Variants in CTNND2 observed in about 807,000 individuals in gnomAD.
CTNND2 encodes catenin delta 2, also known as catenin delta-2.
In CTNND2, 22 loss-of-function variants were observed where a neutral mutation model predicts 144.4. That is an observed-to-expected ratio of 0.15 (90% CI 0.11 to 0.22). CTNND2 has a LOEUF of 0.22. Among genes scored for constraint, CTNND2 ranks in the 10% least tolerant of loss-of-function variants. The probability of loss-of-function intolerance (pLI) is 1.00; values close to 1 mark genes in which losing one functional copy is unlikely to be tolerated. For synonymous variants in CTNND2, 751 were observed against 695.6 expected, an observed-to-expected ratio of 1.08 and a Z score of -1.25; for missense variants, 1,353 against 1,618.8, an observed-to-expected ratio of 0.84 and a Z score of 2.82.
At chr5:11,898,260 C>A (rs1737560426) in intron 1 of CTNND2, among the ~76,000 whole-genome samples, 1 of 152,220 alleles carries the variant, frequency 6.6e-6, no homozygotes, top group Non-Finnish European at 1.5e-5. Flanking sequence ...TCCTTAAAGA[C>A]ACCAACAACC....
At chr5:11,103,539 G>A (rs1237518536) in intron 14 of CTNND2, among the ~76,000 whole-genome samples, 7 of 151,876 alleles carry the variant, frequency 4.6e-5, no homozygotes, top group East Asian at 2.0e-4. Context: ...GTGTGGTGGC[G>A]CACACCTGTA....
In CTNND2 at chr5:11,083,532, T is replaced by A. The variant is rs1261984535; in HGVS notation, c.2638-686A>T. Among the ~76,000 whole-genome samples, 2 of 152,188 alleles carry A rather than the reference T, an allele frequency of 1.3e-5. 1 individual carries two copies. Among genetic ancestry groups the A allele is most frequent in the South Asian group, 4.1e-4 (2 of 4,824 alleles). On this transcript the variant is annotated intron_variant, in intron 15 of 21. Coordinates refer to ENST00000304623, the MANE Select transcript of CTNND2 (RefSeq NM_001332.4). Reference sequence around the variant, plus strand: ...TTGGGTTGGTGGTCGTCAGCCTTAATGGAACACAGGTAATGCGTCATATTA... The same window carrying A: ...TTGGGTTGGTGGTCGTCAGCCTTAAAGGAACACAGGTAATGCGTCATATTA...
At chr5:11,717,198 G>T (rs1050180757) in intron 2 of CTNND2, among the ~76,000 whole-genome samples, 2 of 151,926 alleles carry the variant, frequency 1.3e-5, no homozygotes, top group African/African-American at 4.8e-5. Context: ...TAGAAATTTT[G>T]TTATGAAATA....
chr5:11,839,315 A>G (rs1465177342), intron 1 of CTNND2, among the ~76,000 whole-genome samples: 1 of 152,152 alleles, frequency 6.6e-6, no homozygotes, highest in African/African-American at 2.4e-5. Flanking sequence ...ACCACATCTC[A>G]GTTCTTAACT....
intron 1 of CTNND2, among the ~76,000 whole-genome samples, chr5:11,758,730 T>C (rs1365168259): frequency 6.6e-6 from 1 of 152,088 alleles, no homozygotes; most frequent in Non-Finnish European, 1.5e-5. Context: ...AAATAATATT[T>C]AACATTTCAA....
At chr5:11,132,156 G>A (rs1318281853) in intron 12 of CTNND2, among the ~76,000 whole-genome samples, 1 of 152,114 alleles carries the variant, frequency 6.6e-6, no homozygotes, top group African/African-American at 2.4e-5. Flanking sequence ...GTTTTATTGT[G>A]GGGAGTCACC....
intron 3 of CTNND2, among the ~76,000 whole-genome samples, chr5:11,458,864 T>C (rs1407232558): frequency 2.0e-5 from 3 of 151,842 alleles, no homozygotes; most frequent in Non-Finnish European, 4.4e-5. Context: ...AATAGAGCAA[T>C]AGATCCTCCT....
chr5:11,518,382 GAA>G (rs1388814171), intron 3 of CTNND2, among the ~76,000 whole-genome samples: 2 of 152,274 alleles, frequency 1.3e-5, no homozygotes, highest in Admixed American at 1.3e-4. Context: ...AAAGTGAAAA[GAA>G]ATTTAAGAAT....
chr5:11,020,932 C>T (rs2149536580), intron 17 of CTNND2, among the ~76,000 whole-genome samples: 1 of 152,140 alleles, frequency 6.6e-6, no homozygotes, highest in African/African-American at 2.4e-5. Context: ...AAATTTTCAG[C>T]CAAATTAAAG....
intron 5 of CTNND2, among the ~76,000 whole-genome samples, chr5:11,404,897 A>C (rs758342271): frequency 4.0e-5 from 6 of 151,620 alleles, no homozygotes; most frequent in Non-Finnish European, 8.8e-5. Context: ...GGCATGAGCC[A>C]CTGTGCCTGG....
At chr5:11,735,907 G>A (rs573559679) in intron 1 of CTNND2, among the ~76,000 whole-genome samples, 30 of 152,260 alleles carry the variant, frequency 2.0e-4, no homozygotes, top group African/African-American at 6.5e-4. Flanking sequence ...AGCACCTCAT[G>A]CTGAGAAAGG....
In CTNND2 at chr5:11,184,085, G is replaced by C. The variant is rs115441111; in HGVS notation, c.1975+15363C>G. Among the ~76,000 whole-genome samples the C allele has an allele frequency of 5.2e-3, 789 of 152,276 alleles. 3 individuals carry two copies. Among genetic ancestry groups the C allele is most frequent in the Non-Finnish European group, 8.2e-3 (558 of 68,014 alleles). On this transcript the variant is annotated intron_variant, in intron 11 of 21. Transcript: ENST00000304623. ...CCAAGACTTCTTTTGGTTAATAAAA[G>C]TGTTTCTGAATGCTTTGAAATCAGT... is the stretch of plus-strand genomic sequence containing the variant.
chr5:11,603,102 G>C (rs1162450447), intron 2 of CTNND2, among the ~76,000 whole-genome samples: 1 of 152,032 alleles, frequency 6.6e-6, no homozygotes, highest in Middle Eastern at 3.4e-3. Context: ...CTTCACAATG[G>C]GCATCTTAAC....
At chr5:11,109,043 T>C (rs1403102972) in intron 14 of CTNND2, among the ~76,000 whole-genome samples, 1 of 152,176 alleles carries the variant, frequency 6.6e-6, no homozygotes, top group Non-Finnish European at 1.5e-5. Context: ...AGAGGGTCCT[T>C]CTGGGGGAGA....
intron 2 of CTNND2, among the ~76,000 whole-genome samples, chr5:11,687,494 G>A (rs1784708979): frequency 6.6e-6 from 1 of 152,208 alleles, no homozygotes; most frequent in Non-Finnish European, 1.5e-5. Flanking sequence ...AGTCACCAAG[G>A]TGTGGGCAAG....
intron 1 of CTNND2, among the ~76,000 whole-genome samples, chr5:11,893,165 C>CTACTGAAACATAAA (rs1737116770): frequency 6.6e-6 from 1 of 152,114 alleles, no homozygotes; most frequent in Admixed American, 6.5e-5. Flanking sequence ...TTTATGTTTA[C>CTACTGAAACATAAA]TACTGAAAGA....
At chr5:11,365,341 A>G (rs1756876510) in intron 7 of CTNND2, among the ~76,000 whole-genome samples, 1 of 152,248 alleles carries the variant, frequency 6.6e-6, no homozygotes, top group South Asian at 2.1e-4. Flanking sequence ...AGTGAACTAG[A>G]AATTGTTCCC....
chr5:11,405,316 A>G (rs189117474), intron 5 of CTNND2, among the ~76,000 whole-genome samples: 40 of 152,352 alleles, frequency 2.6e-4, no homozygotes, highest in African/African-American at 8.9e-4. Flanking sequence ...GCCTTTGCCT[A>G]TTCCTTAAAT....
chr5:11,647,320 A>G (rs904543733), intron 2 of CTNND2, among the ~76,000 whole-genome samples: 16 of 152,126 alleles, frequency 1.1e-4, no homozygotes, highest in Non-Finnish European at 2.2e-4. Context: ...TTCCAACAAA[A>G]TAACTTCAGC....
Sources: gnomAD v4.1 joint callset for allele counts (sites outside exome capture counted in the v4.1 genomes callset) on GRCh38, gnomAD v4.1.1 for gene constraint, MANE v1.5 for transcripts, NCBI Gene and HGNC (gene_info 2026-07-23, HGNC 2026-07-21) for gene names.